Variants in CLN6 observed in about 807,000 individuals in gnomAD.
The protein encoded by CLN6 is ceroid-lipofuscinosis neuronal protein 6.
Under a neutral mutation model 33.3 loss-of-function variants are expected in CLN6, and 22 were observed. The ratio of observed to expected loss-of-function variants is 0.66; its 90% CI spans 0.47 to 0.94. CLN6 has a LOEUF of 0.94. Ranked by LOEUF, CLN6 falls within the 40% of genes least tolerant of loss-of-function variation. The pLI, the probability that CLN6 is intolerant of heterozygous loss-of-function variation, is 0.00. For missense variants in CLN6, 387 were observed against 417.1 expected (o/e 0.93, Z 0.63); for synonymous variants, 201 against 174.6 (o/e 1.15, Z -1.19).
intron 2 of CLN6, 41 bp downstream of exon 2, chr15:68,218,495 C>T (rs775946147): frequency 7.0e-7 from 1 of 1,422,824 alleles, no homozygotes; most frequent in Non-Finnish European, 9.9e-7. Context: ...ACTAAGTGTC[C>T]TCAGTGCTGG....
rs1567094691 is a variant in CLN6 at position 68,208,358 on chromosome 15, CGAA to C, written c.715_717del (p.Phe239del). On this transcript the variant is annotated inframe_deletion, in exon 7 of 7. Transcript: ENST00000249806. This position sits in a 1 kb window ranked among gnomAD's most constrained non-coding sequence, Gnocchi z 5.8. ...TGGTGCAGGACGAGGGCCAGCATGGCGAAGAAGGTGAAGATGAAGAGGATGAAG... is the reference window on the plus strand; with the variant it reads ...TGGTGCAGGACGAGGGCCAGCATGGCGAAGGTGAAGATGAAGAGGATGAAG... 1.9e-6 allele frequency: 3 copies of C among 1,613,898 alleles called. No homozygotes were observed. Among genetic ancestry groups the C allele is most frequent in the East Asian group, 2.2e-5 (1 of 44,864 alleles).
At chr15:68,235,478 G>A (rs73425889) in intron 1 of CLN6, among the ~76,000 whole-genome samples, 10,851 of 151,552 alleles carry the variant, frequency 0.072, 1,089 homozygotes, top group African/African-American at 0.23. Context: ...CCCACAGCAG[G>A]AGAATCACTT....
At chr15:68,232,017 T>C (rs2093269242), upstream of CLN6, among the ~76,000 whole-genome samples, 1 of 152,204 alleles carries the variant, frequency 6.6e-6, no homozygotes, top group Admixed American at 6.5e-5. The surrounding 1 kb of genome is among the most constrained non-coding windows in gnomAD (Gnocchi z 4.7). Flanking sequence ...GAGTCTAGTC[T>C]CAGCTCTCTG....
rs1393509721 is a variant in CLN6 at position 68,246,117 on chromosome 15, T to C, written c.179+10573A>G. Among the ~76,000 whole-genome samples, 1 of 152,100 alleles carries C rather than the reference T, an allele frequency of 6.6e-6. No homozygotes were observed. Among genetic ancestry groups the C allele is most frequent in the Non-Finnish European group, 1.5e-5 (1 of 68,020 alleles). On this transcript the variant is annotated intron_variant, in intron 1 of 6. Coordinates refer to the CLN6 transcript ENST00000538696. This position sits in a 1 kb window ranked among gnomAD's most constrained non-coding sequence, Gnocchi z 4.5. ...AGAGATAGACTGTAATACAATACAGTAGGGGACTTCAACACCCCACTTTTC... is the reference window on the plus strand; with the variant it reads ...AGAGATAGACTGTAATACAATACAGCAGGGGACTTCAACACCCCACTTTTC...
chr15:68,243,996 C>T (rs184816688), intron 1 of CLN6, among the ~76,000 whole-genome samples: 61 of 151,804 alleles, frequency 4.0e-4, no homozygotes, highest in African/African-American at 9.2e-4. Flanking sequence ...ACCCGAGAGG[C>T]GGACTTTGCA....
At chr15:68,253,066 T>C (rs905660754) in intron 1 of CLN6, among the ~76,000 whole-genome samples, 5 of 152,214 alleles carry the variant, frequency 3.3e-5, no homozygotes, top group African/African-American at 7.2e-5. Context: ...TCAAATACTA[T>C]AGTTTTTAAG....
Position 68,207,947 on chromosome 15 carries a change from G to A in CLN6, c.*193C>T, listed in dbSNP as rs1251398283. 1.1e-5 allele frequency: 7 copies of A among 618,220 alleles called. No homozygotes were observed. Among genetic ancestry groups the A allele is most frequent in the South Asian group, 9.7e-5 (5 of 51,762 alleles). The allele number at this position is 618,220 out of a possible 1,614,324, so 38.3% of individuals were successfully genotyped here. A position where few individuals can be genotyped will look rare whatever the true frequency, so the allele number is the denominator to read the frequency against. On this transcript the variant is annotated 3_prime_UTR_variant, in exon 7 of 7. Transcript: ENST00000249806. ...AAACTTGACGGAAATAGTAGAGTCT[G>A]AAAATGATGCACTCTGCGCACACAT...
rs947774106 is a variant in CLN6, at chr15:68,227,985, T to C, written c.83+1517A>G. Among the ~76,000 whole-genome samples the C allele has an allele frequency of 2.0e-5, 3 of 152,152 alleles. No individual in the cohort carries two copies. Among genetic ancestry groups the C allele is most frequent in the African/African-American group, 7.2e-5 (3 of 41,514 alleles). Reference sequence around the variant, plus strand: ...TGGAAGAGGGGAGCTGGTAAATGGGTTGGGTCACAGCAGAGATGAAACCAC... The same window carrying C: ...TGGAAGAGGGGAGCTGGTAAATGGGCTGGGTCACAGCAGAGATGAAACCAC... On this transcript the variant is annotated intron_variant, in intron 1 of 6. Coordinates refer to ENST00000249806, the MANE Select transcript of CLN6 (RefSeq NM_017882.3). This position sits in a 1 kb window ranked among gnomAD's most constrained non-coding sequence, Gnocchi z 4.1.
rs182809127 is a variant in CLN6 at position 68,241,460 on chromosome 15, C to T, written c.179+15230G>A. On this transcript the variant is annotated intron_variant, in intron 1 of 6. Coordinates refer to the CLN6 transcript ENST00000538696. The surrounding 1 kb of genome is among the most constrained non-coding windows in gnomAD (Gnocchi z 4.2). ...GTGTGTGGGAAATTTCCCGACTCAA[C>T]GATTTCTGCACTGGAAAAAGTGAGA... 3.9e-5 allele frequency among the ~76,000 whole-genome samples: 6 copies of T among 152,278 alleles called. No homozygotes were observed. Among genetic ancestry groups the T allele is most frequent in the African/African-American group, 9.6e-5 (4 of 41,574 alleles).
chr15:68,255,596 T>A (rs4777029), intron 1 of CLN6, among the ~76,000 whole-genome samples: 151,537 of 152,360 alleles, frequency 0.99, 75,368 homozygotes, highest in Middle Eastern at 1. Context: ...TTGGTAGTCC[T>A]TTGAAGAAGG....
intron 1 of CLN6, among the ~76,000 whole-genome samples, chr15:68,226,622 A>G (rs1338463214): frequency 6.6e-6 from 1 of 151,900 alleles, no homozygotes; most frequent in Non-Finnish European, 1.5e-5. Flanking sequence ...GCATGACACC[A>G]TGCCTGGCTA....
chr15:68,235,589 T>TAAATAAATAA (rs1410087685), intron 1 of CLN6, among the ~76,000 whole-genome samples: 294 of 7,098 alleles, frequency 0.041, 1 homozygote, highest in Admixed American at 0.078. Context: ...TAAAAATAAA[T>TAAATAAATAA]ATATATATAT....
intron 1 of CLN6, among the ~76,000 whole-genome samples, chr15:68,243,561 C>G (rs192926000): frequency 1.1e-3 from 173 of 152,060 alleles, no homozygotes; most frequent in African/African-American, 3.9e-3. Context: ...TCGACACCAG[C>G]CTGGCCAACA....
chr15:68,226,091 G>A (rs879746023), intron 1 of CLN6, among the ~76,000 whole-genome samples: 4 of 152,046 alleles, frequency 2.6e-5, no homozygotes, highest in African/African-American at 4.8e-5. Context: ...AGGCTGAGGC[G>A]GGTGAATCAC....
intron 1 of CLN6, among the ~76,000 whole-genome samples, chr15:68,224,263 T>G: frequency 2.1e-5 from 1 of 47,168 alleles, no homozygotes; most frequent in African/African-American, 7.1e-5. Context: ...AAGACCTTAT[T>G]GCAAAAAAAA....
chr15:68,230,705 A>G (rs36037680), upstream of CLN6, among the ~76,000 whole-genome samples: 83,450 of 152,084 alleles, frequency 0.55, 23,492 homozygotes, highest in African/African-American at 0.61. The surrounding 1 kb of genome is among the most constrained non-coding windows in gnomAD (Gnocchi z 4.0). Flanking sequence ...CAGAGAGCCC[A>G]GCACTGGTGG....
rs1387680906 is a variant in CLN6 at position 68,211,371 on chromosome 15, G to C, written c.487-53C>G. The C allele has an allele frequency of 3.1e-6, 5 of 1,604,200 alleles. No homozygotes were observed. The highest frequency in any genetic ancestry group is 4.3e-6 in the Non-Finnish European group (5 of 1,171,504). ...CGGGGGATGTCGATGTCAGTCCAGG[G>C]AGGTGCTGGGGCCCCAAGCATCCCC... is the stretch of plus-strand genomic sequence containing the variant. On this transcript the variant is annotated intron_variant, in intron 4 of 6. Transcript: ENST00000249806. This position sits in a 1 kb window ranked among gnomAD's most constrained non-coding sequence, Gnocchi z 5.9.
In CLN6 at chr15:68,208,090, C is replaced by T; in HGVS notation, c.*50G>A. The T allele has an allele frequency of 3.3e-6, 5 of 1,520,390 alleles. No individual in the cohort carries two copies. Among genetic ancestry groups the T allele is most frequent in the Non-Finnish European group, 4.5e-6 (5 of 1,118,726 alleles). The allele number at this position is 1,520,390 out of a possible 1,614,324, so 94.2% of individuals were successfully genotyped here. On this transcript the variant is annotated 3_prime_UTR_variant, in exon 7 of 7. Coordinates refer to ENST00000249806, the MANE Select transcript of CLN6 (RefSeq NM_017882.3). The surrounding 1 kb of genome is among the most constrained non-coding windows in gnomAD (Gnocchi z 5.8). ...CCTACTCCTGTATTCAGATGCCCTCCATGGCCCACCCTCCCACCCAGCAGA... is the reference window on the plus strand; with the variant it reads ...CCTACTCCTGTATTCAGATGCCCTCTATGGCCCACCCTCCCACCCAGCAGA...
chr15:68,218,843 GC>G (rs1251836637), intron 1 of CLN6, among the ~76,000 whole-genome samples, 193 bp from the exon 2 acceptor site: 2 of 152,166 alleles, frequency 1.3e-5, no homozygotes, highest in African/African-American at 4.8e-5. Context: ...GACTTCAGCT[GC>G]CCCGACCTTA....
Sources: allele counts gnomAD v4.1 joint callset (sites outside exome capture counted in the v4.1 genomes callset), GRCh38; gene constraint gnomAD v4.1.1; non-coding constraint Gnocchi (gnomAD v3.1); transcripts MANE v1.5; gene names NCBI Gene and HGNC (gene_info 2026-07-23, HGNC 2026-07-21).